The following CCDC3 variants were observed in gnomAD, a reference collection of about 807,000 sequenced individuals.
CCDC3 encodes coiled-coil domain containing 3.
A neutral mutation model predicts 21.4 loss-of-function variants in CCDC3; 24 were observed. The ratio of observed to expected loss-of-function variants is 1.12; its 90% CI spans 0.81 to 1.58. CCDC3 has a LOEUF of 1.58. Among genes scored for constraint, CCDC3 ranks in the 40% most tolerant of loss-of-function variants. The probability of loss-of-function intolerance (pLI) is 0.00; values close to 1 mark genes in which losing one functional copy is unlikely to be tolerated. For missense variants in CCDC3, 425 were observed against 360.9 expected, an observed-to-expected ratio of 1.18 and a Z score of -1.44; for synonymous variants, 186 against 166.0, an observed-to-expected ratio of 1.12 and a Z score of -0.93.
chr10:12,932,674 C>T (rs1194725410), intron 2 of CCDC3, among the ~76,000 whole-genome samples: 1 of 152,098 alleles, frequency 6.6e-6, no homozygotes, highest in African/African-American at 2.4e-5. Context: ...CTTGTATTAG[C>T]TACAATAGAA....
Position 13,058,218 on chromosome 10 carries a change from T to C in CCDC3, c.-269-8277A>G. The C allele has an allele frequency of 4.7e-6, 6 of 1,289,812 alleles. No homozygotes were observed. The South Asian group carries it at 7.1e-5, about 15-fold the overall frequency. The allele number at this position is 1,289,812 out of a possible 1,614,324, so 79.9% of individuals were successfully genotyped here. The stretch of plus-strand genomic sequence containing the variant: ...GTGCCAAAAACTTGATTGCCAGCGG[T>C]AGTTCTGGCAAGGCCTGCATCCAAA... On this transcript the variant is annotated intron_variant, in intron 4 of 6. Coordinates refer to the CCDC3 transcript ENST00000378839.
Position 13,001,215 on chromosome 10 carries a change from G to A in CCDC3, c.356C>T (p.Ser119Phe). The stretch of plus-strand genomic sequence containing the variant: ...GGCTCACCTGAGGAAGAAGAAATAG[G>A]AGTAGTCCTGGACCACGGTGTGGGA... Reference protein sequence around the residue: ...CHSHTVVQDYSYFFFLRMDEN... With the variant: ...CHSHTVVQDYFYFFFLRMDEN... The change falls in exon 1 of 3, where the codon TCC becomes TTC. Residue 119 changes from serine (S) to phenylalanine (F), a missense_variant. Transcript: ENST00000378825. The A allele has an allele frequency of 6.4e-7, 1 of 1,561,308 alleles. No homozygotes were observed. The highest frequency in any genetic ancestry group is 2.4e-5 in the East Asian group (1 of 41,928).
At chr10:13,094,105 G>A (rs188388610) in intron 3 of CCDC3, among the ~76,000 whole-genome samples, 75 of 152,252 alleles carry the variant, frequency 4.9e-4, no homozygotes, top group Admixed American at 4.1e-3. Flanking sequence ...TACAAAAGGC[G>A]GCAGGGATTA....
chr10:13,031,515 T>G (rs1484228719), intron 5 of CCDC3, among the ~76,000 whole-genome samples: 1 of 151,866 alleles, frequency 6.6e-6, no homozygotes, highest in Non-Finnish European at 1.5e-5. Context: ...CTGAAGGAGA[T>G]AGAGACACAA....
At position 12,938,381 on chromosome 10, in the gene CCDC3, G is replaced by A. The variant is rs189678956; in HGVS notation, c.550-39702C>T. On this transcript the variant is annotated intron_variant, in intron 2 of 2. Transcript: ENST00000378825. ...CCACATGGATAATGCATCCAGCACT[G>A]GCTGCCACACTTGGCTTCAGCTACT... is the stretch of plus-strand genomic sequence containing the variant. 6.2e-4 allele frequency among the ~76,000 whole-genome samples: 94 copies of A among 152,294 alleles called. 1 individual carries two copies. Among genetic ancestry groups the A allele is most frequent in the African/African-American group, 2.1e-3 (89 of 41,554 alleles).
At chr10:12,902,877 T>A (rs1323608041) in intron 2 of CCDC3, among the ~76,000 whole-genome samples, 4 of 152,038 alleles carry the variant, frequency 2.6e-5, no homozygotes, top group Non-Finnish European at 4.4e-5. Context: ...AAAACCAAGA[T>A]GGAACAGAGG....
chr10:13,025,674 C>A (rs950126885), intron 5 of CCDC3, among the ~76,000 whole-genome samples: 1 of 152,156 alleles, frequency 6.6e-6, no homozygotes, highest in Non-Finnish European at 1.5e-5. Flanking sequence ...AGTTGAGTGG[C>A]CTTTTCCTAC....
At chr10:13,058,529 T>G in intron 4 of CCDC3, 1 of 731,562 alleles carries the variant, frequency 1.4e-6, no homozygotes, top group Non-Finnish European at 2.5e-6. Context: ...ACTATCATCC[T>G]GTATTTGGGT....
intron 2 of CCDC3, among the ~76,000 whole-genome samples, chr10:12,911,207 G>C (rs1341943162): frequency 6.7e-6 from 1 of 149,302 alleles, no homozygotes; most frequent in Non-Finnish European, 1.5e-5. Flanking sequence ...TGCATCACCT[G>C]CTTCTCTTCA....
intron 2 of CCDC3, among the ~76,000 whole-genome samples, chr10:12,927,381 A>C (rs1391179615): frequency 2.0e-5 from 3 of 152,322 alleles, no homozygotes; most frequent in Non-Finnish European, 4.4e-5. Flanking sequence ...CTTAAAATTA[A>C]CAATTGCTCA....
In CCDC3 at chr10:12,916,208, C is replaced by T. The variant is rs186685132; in HGVS notation, c.550-17529G>A. ...CAGCACTTTGGGAGGCCAAGGTGGG[C>T]GGATCACAAGGGCAGGCGATTGAGA... On this transcript the variant is annotated intron_variant, in intron 2 of 2. Coordinates refer to ENST00000378825, the MANE Select transcript of CCDC3 (RefSeq NM_031455.4). Among the ~76,000 whole-genome samples, 444 of 152,178 alleles carry T rather than the reference C, an allele frequency of 2.9e-3. 2 individuals are homozygous for T. Among genetic ancestry groups the T allele is most frequent in the African/African-American group, 1.0e-2 (415 of 41,528 alleles).
intron 3 of CCDC3, among the ~76,000 whole-genome samples, chr10:13,077,615 A>G (rs1301217528): frequency 4.6e-5 from 7 of 151,986 alleles, no homozygotes; most frequent in Non-Finnish European, 8.8e-5. Flanking sequence ...ACTATACTAC[A>G]AGGCTACAGT....
chr10:12,940,862 A>G (rs1468572176), intron 2 of CCDC3, among the ~76,000 whole-genome samples: 1 of 152,198 alleles, frequency 6.6e-6, no homozygotes, highest in Non-Finnish European at 1.5e-5. Context: ...TGGACTTGAC[A>G]AGGCTTACCC....
intron 5 of CCDC3, among the ~76,000 whole-genome samples, chr10:13,014,345 G>A (rs576377168): frequency 6.6e-6 from 1 of 151,238 alleles, no homozygotes; most frequent in Non-Finnish European, 1.5e-5. Context: ...AGCTACTTGG[G>A]AGGCTGAGGC....
chr10:12,912,406 C>T (rs1184473820), intron 2 of CCDC3, among the ~76,000 whole-genome samples: 1 of 152,166 alleles, frequency 6.6e-6, no homozygotes, highest in Admixed American at 6.5e-5. Flanking sequence ...TACCTGTTGA[C>T]CATTTGTATG....
rs188283745 is a variant in CCDC3 at position 13,043,750 on chromosome 10, C to T, written c.-2+5924G>A. ...TGTACCACATTTTCTTTATCCAGTACAGCATTGATGGGTACTTAGGTTGAT... is the reference window on the plus strand; with the variant it reads ...TGTACCACATTTTCTTTATCCAGTATAGCATTGATGGGTACTTAGGTTGAT... On this transcript the variant is annotated intron_variant, in intron 5 of 6. Coordinates refer to the CCDC3 transcript ENST00000378839. 5.9e-5 allele frequency among the ~76,000 whole-genome samples: 9 copies of T among 152,274 alleles called. No homozygotes were observed. The East Asian group carries it at 1.7e-3, about 29-fold the overall frequency.
At chr10:13,010,646 G>T (rs2131398356) in intron 5 of CCDC3, among the ~76,000 whole-genome samples, 1 of 152,274 alleles carries the variant, frequency 6.6e-6, no homozygotes, top group Middle Eastern at 3.4e-3. Flanking sequence ...CCCATATAAA[G>T]ACTCGTATAT....
chr10:13,066,026 A>T (rs1339231137), intron 4 of CCDC3, among the ~76,000 whole-genome samples: 1 of 152,228 alleles, frequency 6.6e-6, no homozygotes, highest in Non-Finnish European at 1.5e-5. Context: ...TTTCTCTAAA[A>T]GAGGTCTTTG....
chr10:13,013,972 G>A (rs568794249), intron 5 of CCDC3, among the ~76,000 whole-genome samples: 8 of 151,728 alleles, frequency 5.3e-5, no homozygotes, highest in Admixed American at 5.2e-4. Context: ...CCAACATGGC[G>A]AAACCCCATC....
Sources: allele counts gnomAD v4.1 joint callset (sites outside exome capture counted in the v4.1 genomes callset), GRCh38; gene constraint gnomAD v4.1.1; transcripts MANE v1.5; gene names NCBI Gene and HGNC (gene_info 2026-07-23, HGNC 2026-07-21).